The following NBAS variants were observed in gnomAD, a reference collection of about 807,000 sequenced individuals.
NBAS encodes NAG/BC035112 fusion.
In NBAS, 219 loss-of-function variants were observed where a neutral mutation model predicts 302.5. The ratio of observed to expected loss-of-function variants is 0.72; its 90% confidence interval spans 0.65 to 0.81. The LOEUF (loss-of-function observed/expected upper bound fraction) is 0.81. Ranked by LOEUF, NBAS falls within the 30% of genes least tolerant of loss-of-function variation. The pLI is 0.00. For missense variants in NBAS, 2,932 were observed against 2,841.6 expected, an observed-to-expected ratio of 1.03 and a Z score of -0.72; for synonymous variants, 1,118 against 1,021.6, an observed-to-expected ratio of 1.09 and a Z score of -1.80.
At chr2:15,467,856 T>A (rs1679791654) in intron 17 of NBAS, 52 bp from the exon 18 acceptor site, 1 of 1,405,422 alleles carries the variant, frequency 7.1e-7, no homozygotes, top group Non-Finnish European at 9.9e-7. Flanking sequence ...AAACTTCGTG[T>A]TGTGAAAAGC....
chr2:15,266,931 A>T (rs1440956190), intron 44 of NBAS, among the ~76,000 whole-genome samples: 3 of 152,206 alleles, frequency 2.0e-5, no homozygotes, highest in Non-Finnish European at 4.4e-5. Context: ...TCTTTTAAAA[A>T]ACTATTTTGA....
chr2:15,030,225 G>A, the NBAS span, among the ~76,000 whole-genome samples: 1 of 152,280 alleles, frequency 6.6e-6, no homozygotes, highest in East Asian at 1.9e-4. Context: ...ACACAGGAGG[G>A]CCTAGCAATG....
At position 15,298,686 on chromosome 2, in the gene NBAS, C is replaced by T. The variant is rs535835991; in HGVS notation, c.4798-5920G>A. Among the ~76,000 whole-genome samples, 5 of 152,288 alleles carry T rather than the reference C, an allele frequency of 3.3e-5. No homozygotes were observed. In the South Asian group the frequency reaches 1.0e-3, roughly 32 times the overall value. Reference sequence around the variant, plus strand: ...TTCCCCTGAGCTTATCACTACTTCTCCCAAAATATTCCAAAGCATCTCCTA... The same window carrying T: ...TTCCCCTGAGCTTATCACTACTTCTTCCAAAATATTCCAAAGCATCTCCTA... On this transcript the variant is annotated intron_variant, in intron 40 of 51. Coordinates refer to ENST00000281513, the MANE Select transcript of NBAS (RefSeq NM_015909.4).
chr2:14,845,157 C>T, the NBAS span, among the ~76,000 whole-genome samples: 1 of 152,222 alleles, frequency 6.6e-6, no homozygotes, highest in African/African-American at 2.4e-5. Context: ...GTAGTGGCCA[C>T]AGGGGTGCTT....
chr2:14,804,901 C>T, the NBAS span, among the ~76,000 whole-genome samples: 9 of 152,304 alleles, frequency 5.9e-5, no homozygotes, highest in Non-Finnish European at 1.2e-4. Context: ...TTATTATCAG[C>T]ATCCTTGTTT....
chr2:14,783,285 C>T, the NBAS span, among the ~76,000 whole-genome samples: 4 of 151,820 alleles, frequency 2.6e-5, no homozygotes, highest in African/African-American at 7.3e-5. Flanking sequence ...ATTGCTGGAG[C>T]CTCTGAACAA....
chr2:15,414,880 G>A (rs1676848184), intron 25 of NBAS, among the ~76,000 whole-genome samples: 1 of 152,144 alleles, frequency 6.6e-6, no homozygotes, highest in South Asian at 2.1e-4. Context: ...GGAAGACGGA[G>A]GTTGCAGTGA....
intron 31 of NBAS, among the ~76,000 whole-genome samples, chr2:15,373,186 T>G (rs559547374): frequency 3.3e-5 from 5 of 152,286 alleles, no homozygotes; most frequent in African/African-American, 9.6e-5. Context: ...AAAAGTCACA[T>G]GAATTGTACA....
At position 15,427,770 on chromosome 2, in the gene NBAS, G is replaced by A; in HGVS notation, c.2364C>T (p.Ile788=). 1 of 1,613,186 alleles carries A rather than the reference G, an allele frequency of 6.2e-7. No homozygotes were observed. Among genetic ancestry groups the A allele is most frequent in the South Asian group, 1.1e-5 (1 of 90,832 alleles). Reference sequence around the variant, plus strand: ...GGTGTTTATGTTCATGCCAAGGAATGATCATCAGGGAGTCACCGTTAAAAC... The same window carrying A: ...GGTGTTTATGTTCATGCCAAGGAATAATCATCAGGGAGTCACCGTTAAAAC... ...EACFNGDSLM[I]IPWHEHKHRA... The change falls in exon 22 of 52, where the codon ATC becomes ATT. Residue 788 remains isoleucine, a synonymous_variant. Coordinates refer to ENST00000281513, the MANE Select transcript of NBAS (RefSeq NM_015909.4).
chr2:15,369,830 CAT>C lies in NBAS; in HGVS notation c.3704-3139_3704-3138del, dbSNP rs199802609. On this transcript the variant is annotated intron_variant, in intron 31 of 51. Coordinates refer to ENST00000281513, the MANE Select transcript of NBAS (RefSeq NM_015909.4). ...AAACACACGTATACACACACACACA[CAT>C]ACACGTGCATGCACGTCTCAGATGT... is the stretch of plus-strand genomic sequence containing the variant. Among the ~76,000 whole-genome samples, 1,439 of 152,322 alleles carry C rather than the reference CAT, an allele frequency of 9.4e-3. 16 individuals are homozygous for C. Among genetic ancestry groups the C allele is most frequent in the African/African-American group, 0.028 (1,163 of 41,566 alleles).
chr2:15,118,298 T>C, the NBAS span, among the ~76,000 whole-genome samples: 2 of 152,232 alleles, frequency 1.3e-5, no homozygotes, highest in Non-Finnish European at 2.9e-5. Flanking sequence ...TGAAGATCAC[T>C]GAGGAAACTC....
the NBAS span, among the ~76,000 whole-genome samples, chr2:15,060,994 TA>T: frequency 0.037 from 5,602 of 152,044 alleles, 244 homozygotes; most frequent in East Asian, 0.11. Context: ...GTAACACGTG[TA>T]AAAAAAATTA....
chr2:15,360,952 G>A (rs1022837840), intron 32 of NBAS, among the ~76,000 whole-genome samples: 5 of 152,094 alleles, frequency 3.3e-5, no homozygotes, highest in Non-Finnish European at 7.4e-5. Flanking sequence ...AAACACTTAA[G>A]CCAGTAACAT....
intron 38 of NBAS, among the ~76,000 whole-genome samples, chr2:15,317,000 G>A (rs1248102124): frequency 6.6e-6 from 1 of 152,142 alleles, no homozygotes; most frequent in Non-Finnish European, 1.5e-5. Context: ...CATACAGGGG[G>A]TGCCACTCTG....
At chr2:15,463,528 C>T (rs1276990260) in intron 19 of NBAS, among the ~76,000 whole-genome samples, 3 of 152,056 alleles carry the variant, frequency 2.0e-5, no homozygotes, top group Non-Finnish European at 4.4e-5. Flanking sequence ...GTTCACTTTC[C>T]ATTTCCCCTC....
At chr2:15,004,667 A>AT in the NBAS span, among the ~76,000 whole-genome samples, 5,488 of 105,398 alleles carry the variant, frequency 0.052, 381 homozygotes, top group African/African-American at 0.097. Flanking sequence ...CTCCCAGCTG[A>AT]TTTTTTTTTT....
At chr2:14,864,272 G>A in the NBAS span, among the ~76,000 whole-genome samples, 1 of 145,368 alleles carries the variant, frequency 6.9e-6, no homozygotes, top group African/African-American at 2.6e-5. Context: ...AGTGAGCTGA[G>A]ATTGCATCAC....
intron 28 of NBAS, among the ~76,000 whole-genome samples, chr2:15,386,079 T>C (rs1329890803): frequency 1.3e-5 from 2 of 152,140 alleles, no homozygotes; most frequent in Non-Finnish European, 2.9e-5. Flanking sequence ...CACTGATATG[T>C]AAGTTCCTAA....
chr2:15,253,648 C>CTCAG (rs1052206904), intron 44 of NBAS, among the ~76,000 whole-genome samples: 10 of 152,200 alleles, frequency 6.6e-5, no homozygotes, highest in Admixed American at 1.3e-4. Flanking sequence ...GAAGCCTGTG[C>CTCAG]TCTTTCCCAA....
Sources: allele counts gnomAD v4.1 joint callset (sites outside exome capture counted in the v4.1 genomes callset), GRCh38; gene constraint gnomAD v4.1.1; transcripts MANE v1.5; gene names NCBI Gene and HGNC (gene_info 2026-07-23, HGNC 2026-07-21).